TMEM242: variants seen among roughly 807,000 people sequenced by gnomAD.
TMEM242 encodes the protein transmembrane protein 242.
A neutral mutation model predicts 18.2 loss-of-function variants in TMEM242; 10 were observed. The observed-to-expected ratio is 0.55, with a 90% CI of 0.34 to 0.93. TMEM242 has a LOEUF of 0.93. Ranked by LOEUF, TMEM242 falls within the 40% of genes least tolerant of loss-of-function variation. The pLI is 0.02. For synonymous variants in TMEM242, 57 were observed against 69.9 expected (o/e 0.81, Z 0.92); for missense variants, 186 against 175.5 (o/e 1.06, Z -0.34).
Position 157,305,034 on chromosome 6 carries a change from C to T in TMEM242, c.328-12035G>A. On this transcript the variant is annotated intron_variant, in intron 3 of 3. Coordinates refer to ENST00000400788, the MANE Select transcript of TMEM242 (RefSeq NM_018452.6). The surrounding 1 kb of genome is among the most constrained non-coding windows in gnomAD (Gnocchi z 4.1). ...GGTTGGTGGGGCTACATCATGTAAA[C>T]CTTCTTCAACAGGAAGCCACTGAAG... 6.6e-6 allele frequency among the ~76,000 whole-genome samples: 1 copy of T among 152,138 alleles called. No homozygotes were observed. Among genetic ancestry groups the T allele is most frequent in the East Asian group, 1.9e-4 (1 of 5,190 alleles).
At chr6:157,300,955 A>G (rs782269482) in intron 3 of TMEM242, among the ~76,000 whole-genome samples, 6 of 152,224 alleles carry the variant, frequency 3.9e-5, no homozygotes, top group Non-Finnish European at 8.8e-5. Flanking sequence ...GATCTAGTAC[A>G]ACGTGGCATC....
intron 3 of TMEM242, among the ~76,000 whole-genome samples, chr6:157,301,210 TG>T (rs1438539283): frequency 6.6e-6 from 1 of 152,194 alleles, no homozygotes; most frequent in Admixed American, 6.5e-5. Context: ...TCTTCTGGAA[TG>T]GGGCCCCTTG....
intron 3 of TMEM242, among the ~76,000 whole-genome samples, chr6:157,314,231 C>T (rs1583574110): frequency 6.7e-6 from 1 of 149,958 alleles, no homozygotes; most frequent in East Asian, 2.0e-4. Flanking sequence ...CCCCAGTGTG[C>T]ACTCACCTGG....
At chr6:157,300,105 C>T in intron 3 of TMEM242, 1 of 654,350 alleles carries the variant, frequency 1.5e-6, no homozygotes, top group Non-Finnish European at 2.8e-6. Context: ...CTGGCCTGCA[C>T]AACAGACACA....
intron 3 of TMEM242, among the ~76,000 whole-genome samples, chr6:157,316,729 A>G (rs1235411539): frequency 6.6e-6 from 1 of 152,008 alleles, no homozygotes; most frequent in Non-Finnish European, 1.5e-5. Context: ...AAAAAAAATG[A>G]GCCAGGCATA....
At position 157,291,691 on chromosome 6, in the gene TMEM242, T is replaced by A. The variant is rs1299674478; in HGVS notation, c.*1210A>T. The A allele has an allele frequency of 6.6e-6, 1 of 152,264 alleles. No individual in the cohort carries two copies. Among genetic ancestry groups the A allele is most frequent in the Non-Finnish European group, 1.5e-5 (1 of 68,050 alleles). 9.4% of individuals were successfully genotyped at this position (152,264 alleles called of 1,614,324 possible). A position where few individuals can be genotyped will look rare whatever the true frequency, so the allele number is the denominator to read the frequency against. Reference sequence around the variant, plus strand: ...ATACAGCAATTTTAACAGGGTAACATGGTCTAGAGAAAAGTATTACATTAA... The same window carrying A: ...ATACAGCAATTTTAACAGGGTAACAAGGTCTAGAGAAAAGTATTACATTAA... On this transcript the variant is annotated 3_prime_UTR_variant, in exon 4 of 4. Coordinates refer to ENST00000400788, the MANE Select transcript of TMEM242 (RefSeq NM_018452.6).
rs941405861 is a variant in TMEM242, at chr6:157,291,687, A to G, written c.*1214T>C. ...AACAATACAGCAATTTTAACAGGGTAACATGGTCTAGAGAAAAGTATTACA... is the reference window on the plus strand; with the variant it reads ...AACAATACAGCAATTTTAACAGGGTGACATGGTCTAGAGAAAAGTATTACA... On this transcript the variant is annotated 3_prime_UTR_variant, in exon 4 of 4. Coordinates refer to ENST00000400788, the MANE Select transcript of TMEM242 (RefSeq NM_018452.6). The G allele has an allele frequency of 2.0e-5, 3 of 152,254 alleles. No individual in the cohort carries two copies. Among genetic ancestry groups the G allele is most frequent in the African/African-American group, 7.2e-5 (3 of 41,466 alleles). 9.4% of individuals were successfully genotyped at this position (152,254 alleles called of 1,614,324 possible).
intron 3 of TMEM242, among the ~76,000 whole-genome samples, chr6:157,308,224 A>C (rs1011885353): frequency 1.3e-5 from 2 of 152,240 alleles, no homozygotes; most frequent in Admixed American, 6.5e-5. Context: ...ATTTGAGGTG[A>C]ATAGGTAAAA....
chr6:157,308,739 GAAGA>G (rs1554248096), intron 3 of TMEM242, among the ~76,000 whole-genome samples: 1 of 147,750 alleles, frequency 6.8e-6, no homozygotes, highest in African/African-American at 2.5e-5. Flanking sequence ...AGAGATACAG[GAAGA>G]AAGAGAGTTG....
intron 2 of TMEM242, among the ~76,000 whole-genome samples, chr6:157,321,012 CTTTTTTTTTTT>C (rs1181386580): frequency 2.0e-5 from 2 of 102,088 alleles, no homozygotes; most frequent in African/African-American, 7.1e-5. Flanking sequence ...TTTTTTTTTT[CTTTTTTTTTTT>C]TTTGAGACGG....
At chr6:157,293,798 T>G (rs1360809915) in intron 3 of TMEM242, among the ~76,000 whole-genome samples, 1 of 151,996 alleles carries the variant, frequency 6.6e-6, no homozygotes, top group Non-Finnish European at 1.5e-5. Flanking sequence ...AGTGGCACAA[T>G]CATGGCTAAC....
At chr6:157,316,075 A>G (rs1778384683) in intron 3 of TMEM242, among the ~76,000 whole-genome samples, 3 of 152,214 alleles carry the variant, frequency 2.0e-5, no homozygotes, top group Admixed American at 6.5e-5. Context: ...AAGTGAGACT[A>G]TTTGTATTTT....
At chr6:157,300,226 T>C in intron 3 of TMEM242, 2 of 414,676 alleles carry the variant, frequency 4.8e-6, no homozygotes, top group South Asian at 2.3e-5. Flanking sequence ...CAGCCCTCTG[T>C]GGCGAGTGCG....
At chr6:157,312,522 C>G (rs67886015) in intron 3 of TMEM242, among the ~76,000 whole-genome samples, 1,509 of 6,572 alleles carry the variant, frequency 0.23, 46 homozygotes, top group Middle Eastern at 0.5. Context: ...CCTCATCATA[C>G]CGCCCCAGTG....
At chr6:157,293,703 A>C (rs1218425243) in intron 3 of TMEM242, among the ~76,000 whole-genome samples, 1 of 152,124 alleles carries the variant, frequency 6.6e-6, no homozygotes, top group African/African-American at 2.4e-5. Context: ...GAGTTTTACA[A>C]GCAGTTGATT....
intron 3 of TMEM242, among the ~76,000 whole-genome samples, chr6:157,313,532 G>A (rs62425607): frequency 4.4e-3 from 205 of 46,750 alleles, no homozygotes; most frequent in Non-Finnish European, 8.0e-3. Flanking sequence ...GTCATCTGGC[G>A]TCATCATAGT....
rs1777654186 is a variant in TMEM242 at position 157,289,377 on chromosome 6, A to T, written c.*3524T>A. 6.6e-6 allele frequency: 1 copy of T among 152,248 alleles called. No homozygotes were observed. Among genetic ancestry groups the T allele is most frequent in the South Asian group, 2.1e-4 (1 of 4,836 alleles). The allele number at this position is 152,248 out of a possible 1,614,324, so 9.4% of individuals were successfully genotyped here. The stretch of plus-strand genomic sequence containing the variant: ...CAATTAATCCTGATAACACCAAGAG[A>T]GACCCAAATACTTGCTATATCATTT... On this transcript the variant is annotated 3_prime_UTR_variant, in exon 4 of 4. Transcript: ENST00000400788.
chr6:157,309,464 T>C (rs587699366), intron 3 of TMEM242, among the ~76,000 whole-genome samples: 72 of 152,260 alleles, frequency 4.7e-4, no homozygotes, highest in Non-Finnish European at 8.7e-4. Flanking sequence ...CTTGCCACAC[T>C]CTCAACCTGC....
At chr6:157,299,904 C>T (rs1368128311) in intron 3 of TMEM242, 5 of 1,612,492 alleles carry the variant, frequency 3.1e-6, no homozygotes, top group South Asian at 2.2e-5. Flanking sequence ...ATGCTGGTAG[C>T]GCAGGCCATG....
Sources: allele counts gnomAD v4.1 joint callset (sites outside exome capture counted in the v4.1 genomes callset), GRCh38; gene constraint gnomAD v4.1.1; non-coding constraint Gnocchi (gnomAD v3.1); transcripts MANE v1.5; gene names NCBI Gene and HGNC (gene_info 2026-07-23, HGNC 2026-07-21).